The following DLGAP2 variants were observed in gnomAD, a reference collection of about 807,000 sequenced individuals.
DLGAP2 encodes the protein disks large-associated protein 2.
Under a neutral mutation model 100.3 loss-of-function variants are expected in DLGAP2, and 26 were observed. The ratio of observed to expected loss-of-function variants is 0.26; its 90% confidence interval spans 0.19 to 0.36. The LOEUF (loss-of-function observed/expected upper bound fraction) is 0.36, where lower values mean the gene tolerates loss of function less well. DLGAP2 is among the 10% of genes least tolerant of loss of function. The pLI, the probability that DLGAP2 is intolerant of heterozygous loss-of-function variation, is 1.00. For synonymous variants in DLGAP2, 886 were observed against 630.1 expected (o/e 1.41, Z -6.08); for missense variants, 1,858 against 1,453.2 (o/e 1.28, Z -4.53).
At chr8:1,601,771 C>T (rs895901519) in intron 6 of DLGAP2, among the ~76,000 whole-genome samples, 1 of 152,168 alleles carries the variant, frequency 6.6e-6, no homozygotes, top group Admixed American at 6.5e-5. Context: ...TCTCTCGTAG[C>T]TTAGGGTCTT....
At chr8:953,842 T>A (rs550976191) in intron 2 of DLGAP2, among the ~76,000 whole-genome samples, 1 of 152,342 alleles carries the variant, frequency 6.6e-6, no homozygotes, top group East Asian at 1.9e-4. Context: ...ATTTGGTCAG[T>A]CACTCAGATG....
chr8:1,174,640 ATCG>A (rs1443770380), intron 2 of DLGAP2, among the ~76,000 whole-genome samples: 2 of 151,540 alleles, frequency 1.3e-5, no homozygotes, highest in Non-Finnish European at 2.9e-5. Flanking sequence ...CACCATCATC[ATCG>A]TCGTCTTTAC....
chr8:1,458,040 TTA>T lies in DLGAP2; in HGVS notation c.107-43312_107-43311del, dbSNP rs199917235. ...ATTTTTTATATGTGTGTATATATAATTATATATATATATATGTATATGTATAT... is the reference window on the plus strand; with the variant it reads ...ATTTTTTATATGTGTGTATATATAATTATATATATATATGTATATGTATAT... On this transcript the variant is annotated intron_variant, in intron 3 of 14. Transcript: ENST00000637795. 8.9e-3 allele frequency among the ~76,000 whole-genome samples: 1,184 copies of T among 132,554 alleles called. 9 individuals carry two copies. Among genetic ancestry groups the T allele is most frequent in the South Asian group, 0.025 (100 of 4,050 alleles). 87.0% of individuals were successfully genotyped at this position (132,554 alleles called of 152,430 possible). A position where few individuals can be genotyped will look rare whatever the true frequency, so the allele number is the denominator to read the frequency against.
chr8:898,387 T>G (rs1798187566), intron 1 of DLGAP2, among the ~76,000 whole-genome samples: 1 of 152,170 alleles, frequency 6.6e-6, no homozygotes, highest in African/African-American at 2.4e-5. Flanking sequence ...CCTGGCGTGG[T>G]CCCTGGAAGG....
At chr8:797,081 A>G (rs1300150272) in intron 1 of DLGAP2, among the ~76,000 whole-genome samples, 1 of 152,220 alleles carries the variant, frequency 6.6e-6, no homozygotes, top group Non-Finnish European at 1.5e-5. Flanking sequence ...ATTAAGGAGT[A>G]ACTTTTATGC....
At chr8:1,502,974 G>T (rs555779370) in intron 4 of DLGAP2, among the ~76,000 whole-genome samples, 1 of 152,194 alleles carries the variant, frequency 6.6e-6, no homozygotes, top group South Asian at 2.1e-4. Flanking sequence ...AAGAGTGCAG[G>T]AGTCACTCTG....
At position 1,218,885 on chromosome 8, in the gene DLGAP2, C is replaced by G. The variant is rs1563260632; in HGVS notation, c.74-39966C>G. 2.6e-5 allele frequency among the ~76,000 whole-genome samples: 4 copies of G among 152,040 alleles called. 1 individual carries two copies. The East Asian group carries it at 7.7e-4, about 29-fold the overall frequency. Reference sequence around the variant, plus strand: ...CCTAGGAATTTTATTCATTTTGTGACTATTGTGAATGGGGTTGTGGTCTGG... The same window carrying G: ...CCTAGGAATTTTATTCATTTTGTGAGTATTGTGAATGGGGTTGTGGTCTGG... On this transcript the variant is annotated intron_variant, in intron 2 of 14. Transcript: ENST00000637795.
intron 2 of DLGAP2, among the ~76,000 whole-genome samples, chr8:1,023,625 C>T (rs1340146561): frequency 6.6e-6 from 1 of 150,958 alleles, no homozygotes; most frequent in Non-Finnish European, 1.5e-5. Context: ...CTGCTCAGGA[C>T]CTGGTGATCA....
At chr8:927,308 T>G (rs1198757591) in intron 2 of DLGAP2, 11 of 874,826 alleles carry the variant, frequency 1.3e-5, no homozygotes, top group Non-Finnish European at 1.5e-5. Flanking sequence ...GACTGTTTTC[T>G]TACTTGAACA....
intron 5 of DLGAP2, among the ~76,000 whole-genome samples, chr8:1,558,519 G>A (rs1167086702): frequency 6.6e-6 from 1 of 152,072 alleles, no homozygotes; most frequent in Non-Finnish European, 1.5e-5. Flanking sequence ...AGGCATGCAT[G>A]CACACCCATA....
chr8:1,165,744 A>G (rs1467943651), intron 2 of DLGAP2, among the ~76,000 whole-genome samples: 3 of 151,784 alleles, frequency 2.0e-5, no homozygotes, highest in Non-Finnish European at 4.4e-5. Context: ...TTGCTCTTTC[A>G]GTTTTTCTTA....
At chr8:1,094,469 GA>G (rs1319632043) in intron 2 of DLGAP2, among the ~76,000 whole-genome samples, 3 of 152,154 alleles carry the variant, frequency 2.0e-5, no homozygotes, top group African/African-American at 7.2e-5. Context: ...TCTGGGTGAA[GA>G]AAAAGAAACA....
chr8:1,504,806 G>A (rs900916015), intron 4 of DLGAP2, among the ~76,000 whole-genome samples: 2 of 152,090 alleles, frequency 1.3e-5, no homozygotes, highest in African/African-American at 4.8e-5. Context: ...TCTGCGTGTT[G>A]GCTGTGGTGA....
chr8:1,117,112 C>A (rs555771393), intron 2 of DLGAP2, among the ~76,000 whole-genome samples: 1 of 152,130 alleles, frequency 6.6e-6, no homozygotes, highest in South Asian at 2.1e-4. Flanking sequence ...TGGGACCCAG[C>A]ATCAAGAAGA....
chr8:1,193,584 T>A (rs1797684589), intron 2 of DLGAP2, among the ~76,000 whole-genome samples: 1 of 152,242 alleles, frequency 6.6e-6, no homozygotes, highest in Non-Finnish European at 1.5e-5. Flanking sequence ...TATACGCTGC[T>A]GTGTCCACAC....
intron 2 of DLGAP2, among the ~76,000 whole-genome samples, chr8:1,188,987 C>T (rs950176262): frequency 1.3e-5 from 2 of 149,738 alleles, no homozygotes; most frequent in South Asian, 2.1e-4. Context: ...GGCCCCAGGC[C>T]GGTTCCGCGG....
intron 3 of DLGAP2, among the ~76,000 whole-genome samples, chr8:1,267,590 A>AAATAAAATAAAAT (rs1563051952): frequency 6.3e-5 from 2 of 31,586 alleles, no homozygotes; most frequent in African/African-American, 2.4e-4. Context: ...AAATAAAATA[A>AAATAAAATAAAAT]GATAAGATAA....
At chr8:1,189,160 G>T (rs1363937800) in intron 2 of DLGAP2, among the ~76,000 whole-genome samples, 1 of 146,958 alleles carries the variant, frequency 6.8e-6, no homozygotes, top group Non-Finnish European at 1.5e-5. Context: ...CATACACAGG[G>T]TTCGGGCCCC....
intron 6 of DLGAP2, among the ~76,000 whole-genome samples, chr8:1,616,886 C>G (rs771726384): frequency 6.6e-6 from 1 of 152,146 alleles, no homozygotes; most frequent in Non-Finnish European, 1.5e-5. Context: ...TCCTCTCCCT[C>G]CTTCTAACCT....
Sources: gnomAD v4.1 joint callset for allele counts (sites outside exome capture counted in the v4.1 genomes callset) on GRCh38, gnomAD v4.1.1 for gene constraint, MANE v1.5 for transcripts, NCBI Gene and HGNC (gene_info 2026-07-23, HGNC 2026-07-21) for gene names.